CHD1: variants seen among roughly 807,000 people sequenced by gnomAD.
The protein encoded by CHD1 is chromodomain helicase DNA binding protein 1.
Under a neutral mutation model 224.2 loss-of-function variants are expected in CHD1, and 36 were observed. That is an observed-to-expected ratio of 0.16 (90% CI 0.12 to 0.21). The LOEUF is 0.21. CHD1 is among the 10% of genes least tolerant of loss of function. CHD1 has a pLI of 1.00. For missense variants in CHD1, 1,378 were observed against 1,994.8 expected, an observed-to-expected ratio of 0.69 and a Z score of 5.89; for synonymous variants, 668 against 658.3, an observed-to-expected ratio of 1.01 and a Z score of -0.23.
chr5:98,909,513 C>T (rs1752254908), intron 2 of CHD1, among the ~76,000 whole-genome samples: 1 of 152,128 alleles, frequency 6.6e-6, no homozygotes, highest in African/African-American at 2.4e-5. Context: ...TCATACCTAG[C>T]ATTTTTAGCA....
rs199914342 is a variant in CHD1, at chr5:98,889,085, C to T, written c.2334G>A (p.Glu778=). 5 of 1,576,892 alleles carry T rather than the reference C, an allele frequency of 3.2e-6. No homozygotes were observed. The highest frequency in any genetic ancestry group is 4.3e-6 in the Non-Finnish European group (5 of 1,155,024). Residue 778 remains glutamate (E), a synonymous_variant, in exon 16 of 36, where the codon GAG becomes GAA. Transcript: ENST00000614616. ...PDNNEFYNKQ[E]ALQHLIRSSG... ...ATTTAAAAATTCTTACTTGTAAGGC[C>T]TCCTGTTTATTATAGAATTCATTAT...
At chr5:98,867,485 A>T (rs907320135) in intron 31 of CHD1, among the ~76,000 whole-genome samples, 7 of 152,118 alleles carry the variant, frequency 4.6e-5, no homozygotes, top group African/African-American at 1.7e-4. Flanking sequence ...TGTATTTTTT[A>T]AAAAATATAT....
intron 2 of CHD1, among the ~76,000 whole-genome samples, chr5:98,911,176 T>TATATATATATATAGAG (rs1561540185): frequency 8.1e-6 from 1 of 122,972 alleles, no homozygotes; most frequent in Non-Finnish European, 1.7e-5. Flanking sequence ...TATATATATA[T>TATATATATATATAGAG]AGAGGCATGT....
Position 98,869,825 on chromosome 5 carries a change from T to C in CHD1, c.4036A>G (p.Lys1346Glu), listed in dbSNP as rs1044810221. The C allele has an allele frequency of 6.2e-7, 1 of 1,610,758 alleles. No individual in the cohort carries two copies. Among genetic ancestry groups the C allele is most frequent in the African/African-American group, 1.3e-5 (1 of 74,856 alleles). Residue 1346 changes from lysine (K) to glutamate (E), a missense_variant, in exon 30 of 36, where the codon AAA (lysine) becomes GAA (glutamate). Physicochemically the swap from Lys to Glu is moderately conservative, Grantham distance 56. Transcript: ENST00000614616. ...AKKNKAMKSI[K>E]VKEEIKSDSS... ...TCACTCTTTATTTCCTCTTTCACTTTTATAGACTTCATTGCTTTATTCTTC... is the reference window on the plus strand; with the variant it reads ...TCACTCTTTATTTCCTCTTTCACTTCTATAGACTTCATTGCTTTATTCTTC...
intron 5 of CHD1, 68 bp from the exon 6 acceptor site, chr5:98,901,403 A>G: frequency 7.8e-7 from 1 of 1,283,150 alleles, no homozygotes; most frequent in South Asian, 1.5e-5. Context: ...TAATACAAAG[A>G]TGATCAAATC....
chr5:98,865,423 C>G (rs1035318620), intron 31 of CHD1, among the ~76,000 whole-genome samples: 7 of 152,156 alleles, frequency 4.6e-5, no homozygotes, highest in Non-Finnish European at 7.3e-5. Context: ...CATGATTACT[C>G]TGGTTGCTAT....
At chr5:98,927,892 G>C (rs1242013891) in intron 1 of CHD1, among the ~76,000 whole-genome samples, 1 of 152,120 alleles carries the variant, frequency 6.6e-6, no homozygotes, top group African/African-American at 2.4e-5. Flanking sequence ...AGCGCACACA[G>C]CGCTGTGTCC....
Position 98,898,321 on chromosome 5 carries a change from G to C in CHD1, c.1300C>G (p.Gln434Glu), listed in dbSNP as rs1260805119. The C allele has an allele frequency of 6.2e-7, 1 of 1,602,030 alleles. No individual in the cohort carries two copies. ...CTAAAATACTCATCAATGCATGCTT[G>C]AAACTTTTTGGAAATGAGAGCTCCA... is the stretch of plus-strand genomic sequence containing the variant. ...EDGALISKKF[Q>E]ACIDEYFSRN... Residue 434 changes from glutamine to glutamate, a missense_variant, in exon 10 of 36, where the codon CAA becomes GAA. By Grantham distance (29) the Gln-to-Glu change is conservative. Around this residue, in one of 16 missense-constraint regions of CHD1, gnomAD observed 86 missense variants for 97.7 expected, o/e 0.88. Transcript: ENST00000614616.
intron 34 of CHD1, 137 bp from the exon 35 acceptor site, chr5:98,858,527 T>C (rs1748217857): frequency 1.5e-6 from 1 of 658,530 alleles, no homozygotes; most frequent in East Asian, 2.7e-5. Context: ...TTAAAGCATT[T>C]AGAAATGGTG....
At chr5:98,918,769 C>CAAAAAAAAAAAAAAAAAAA (rs377628623) in intron 2 of CHD1, among the ~76,000 whole-genome samples, 1 of 134,928 alleles carries the variant, frequency 7.4e-6, no homozygotes. Context: ...AAAAAAAAAA[C>CAAAAAAAAAAAAAAAAAAA]AAAAAAAAAA....
chr5:98,898,475 T>C (rs1009982003), intron 9 of CHD1, 41 bp from the exon 10 acceptor site: 2 of 1,445,340 alleles, frequency 1.4e-6, no homozygotes, highest in Non-Finnish European at 1.8e-6. Flanking sequence ...TTTATTTTTT[T>C]TTACATTTAA....
chr5:98,866,840 G>A (rs1431106259), intron 31 of CHD1, among the ~76,000 whole-genome samples: 1 of 152,022 alleles, frequency 6.6e-6, no homozygotes, highest in Non-Finnish European at 1.5e-5. Context: ...TATCGGTCTC[G>A]TATCACTCAG....
At chr5:98,888,735 T>A (rs1750815470) in intron 16 of CHD1, among the ~76,000 whole-genome samples, 1 of 152,232 alleles carries the variant, frequency 6.6e-6, no homozygotes, top group African/African-American at 2.4e-5. Context: ...GAGGTCAAGA[T>A]GTCCTTTAGA....
intron 2 of CHD1, 122 bp from the exon 3 acceptor site, chr5:98,905,220 G>A: frequency 5.1e-6 from 6 of 1,167,440 alleles, no homozygotes; most frequent in South Asian, 1.6e-5. Flanking sequence ...AACTATCTTT[G>A]GCCAAAAAAA....
Position 98,870,815 on chromosome 5 carries a change from A to G in CHD1, c.3862-12T>C. 1 of 1,562,558 alleles carries G rather than the reference A, an allele frequency of 6.4e-7. No homozygotes were observed. Among genetic ancestry groups the G allele is most frequent in the Non-Finnish European group, 8.8e-7 (1 of 1,138,182 alleles). ...TCATCTGGAAGAATCTGAAAAAGCAATAAATTTTTTCAGATTGTCTTAATA... is the reference window on the plus strand; with the variant it reads ...TCATCTGGAAGAATCTGAAAAAGCAGTAAATTTTTTCAGATTGTCTTAATA... On this transcript the variant is annotated splice_polypyrimidine_tract_variant and intron_variant, in intron 28 of 35. Transcript: ENST00000614616.
chr5:98,889,319 A>G (rs1191345927), intron 15 of CHD1, 81 bp from the exon 16 acceptor site: 5 of 1,044,180 alleles, frequency 4.8e-6, no homozygotes, highest in Non-Finnish European at 6.8e-6. Context: ...ACAAACAAAA[A>G]AAGCCAACGA....
At chr5:98,896,099 G>A (rs1751328745) in intron 12 of CHD1, 127 bp downstream of exon 12, 2 of 732,518 alleles carry the variant, frequency 2.7e-6, no homozygotes, top group Non-Finnish European at 4.6e-6. Context: ...CAGTTGCAGT[G>A]AGCCAAGATC....
At chr5:98,901,118 G>C in intron 6 of CHD1, 36 bp from the exon 7 acceptor site, 1 of 1,566,916 alleles carries the variant, frequency 6.4e-7, no homozygotes, top group Non-Finnish European at 8.6e-7. Context: ...AACAAGATTT[G>C]AGAAACTATA....
intron 24 of CHD1, 78 bp from the exon 25 acceptor site, chr5:98,875,191 A>G (rs1749660678): frequency 4.9e-6 from 4 of 812,680 alleles, no homozygotes; most frequent in African/African-American, 1.8e-5. Context: ...ATTTACAGAT[A>G]TAAGAAAATA....
Sources: gnomAD v4.1 joint callset for allele counts (sites outside exome capture counted in the v4.1 genomes callset) on GRCh38, gnomAD v4.1.1 for gene constraint, gnomAD v4.1.1 regional missense constraint, MANE v1.5 for transcripts, NCBI Gene and HGNC (gene_info 2026-07-23, HGNC 2026-07-21) for gene names.